Variants in PRDM16 observed in about 807,000 individuals in gnomAD.
PRDM16 encodes histone-lysine N-methyltransferase PRDM16.
PRDM16 carries 23 observed loss-of-function variants against 110.6 expected under a neutral mutation model. The ratio of observed to expected loss-of-function variants is 0.21; its 90% confidence interval spans 0.15 to 0.29. The LOEUF (loss-of-function observed/expected upper bound fraction) is 0.29. Among genes scored for constraint, PRDM16 ranks in the 10% least tolerant of loss-of-function variants. The pLI, the probability that PRDM16 is intolerant of heterozygous loss-of-function variation, is 1.00. For synonymous variants in PRDM16, 799 were observed against 781.8 expected, an observed-to-expected ratio of 1.02 and a Z score of -0.37; for missense variants, 1,615 against 1,794.3, an observed-to-expected ratio of 0.90 and a Z score of 1.81.
chr1:3,310,938 G>T (rs551343329), intron 3 of PRDM16, among the ~76,000 whole-genome samples: 1 of 150,052 alleles, frequency 6.7e-6, no homozygotes, highest in African/African-American at 2.5e-5. Context: ...GTGAGTGTGC[G>T]TGTGTGTCTG....
intron 2 of PRDM16, among the ~76,000 whole-genome samples, chr1:3,194,612 G>A (rs556639297): frequency 4.7e-4 from 71 of 149,496 alleles, no homozygotes; most frequent in African/African-American, 1.7e-3. Flanking sequence ...ACACGCCACC[G>A]TCTCCCCACC....
At chr1:3,360,314 T>C (rs1330264785) in intron 3 of PRDM16, among the ~76,000 whole-genome samples, 1 of 152,152 alleles carries the variant, frequency 6.6e-6, no homozygotes, top group Admixed American at 6.5e-5. Context: ...ACAAGTCTTC[T>C]AGGCTCTGCC....
rs925658892 is a variant in PRDM16 at position 3,411,460 on chromosome 1, G to A, written c.1263G>A (p.Thr421=). ...RHKRMHADCR[T]QIKCKDCGQM... ...AGCGGATGCACGCCGACTGCCGCAC[G>A]CAGATCAAGTGCAAGGACTGTGGCC... The change falls in exon 9 of 17, where the codon ACG becomes ACA. Residue 421 remains threonine (T), a synonymous_variant. Coordinates refer to ENST00000270722, the MANE Select transcript of PRDM16 (RefSeq NM_022114.4). 12 of 1,614,184 alleles carry A rather than the reference G, an allele frequency of 7.4e-6. No homozygotes were observed. In the East Asian group the frequency reaches 1.8e-4, roughly 24 times the overall value.
In PRDM16 at chr1:3,162,770, G is replaced by A. The variant is rs113489847; in HGVS notation, c.38-23355G>A. Among the ~76,000 whole-genome samples the A allele has an allele frequency of 1.8e-3, 269 of 152,298 alleles. 2 individuals are homozygous for A. The highest frequency in any genetic ancestry group is 6.3e-3 in the African/African-American group (261 of 41,552). On this transcript the variant is annotated intron_variant, in intron 1 of 16. Coordinates refer to ENST00000270722, the MANE Select transcript of PRDM16 (RefSeq NM_022114.4). ...GTGTGGCAGGGACCTGGTGACGCCT[G>A]TGCGACCATCGAAGCCACACAGGCA...
intron 3 of PRDM16, among the ~76,000 whole-genome samples, chr1:3,304,727 A>G (rs1437106926): frequency 6.7e-6 from 1 of 149,548 alleles, no homozygotes; most frequent in East Asian, 2.0e-4. Context: ...CCCAACAGAC[A>G]CTCGCTGTCC....
At chr1:3,099,695 G>A (rs1487120635) in intron 1 of PRDM16, among the ~76,000 whole-genome samples, 2 of 152,206 alleles carry the variant, frequency 1.3e-5, no homozygotes, top group Admixed American at 6.5e-5. Context: ...TGGGGAGCAG[G>A]CTCACCGCTG....
intron 1 of PRDM16, among the ~76,000 whole-genome samples, chr1:3,142,255 C>T (rs1304782976): frequency 6.6e-6 from 1 of 152,258 alleles, no homozygotes; most frequent in African/African-American, 2.4e-5. Flanking sequence ...CTAGAACAAA[C>T]AGCGATGTCT....
intron 1 of PRDM16, among the ~76,000 whole-genome samples, chr1:3,073,624 G>GCCAC (rs1434540382): frequency 6.6e-6 from 1 of 152,070 alleles, no homozygotes; most frequent in East Asian, 1.9e-4. Context: ...TCAGAATCGA[G>GCCAC]CCACCGAGGG....
Position 3,434,085 on chromosome 1 carries a change from G to A in PRDM16, c.*274G>A, listed in dbSNP as rs1638845805. On this transcript the variant is annotated 3_prime_UTR_variant, in exon 17 of 17. Transcript: ENST00000270722. The stretch of plus-strand genomic sequence containing the variant: ...CCGTCCAAAGACAGCCAACGGAGCT[G>A]CCTCGCAGAATCAGCCAGTGGGCAG... 1 of 413,452 alleles carries A rather than the reference G, an allele frequency of 2.4e-6. No homozygotes were observed. The highest frequency in any genetic ancestry group is 4.3e-6 in the Non-Finnish European group (1 of 230,134). 25.6% of individuals were successfully genotyped at this position (413,452 alleles called of 1,614,324 possible). A position where few individuals can be genotyped will look rare whatever the true frequency, so the allele number is the denominator to read the frequency against.
intron 4 of PRDM16, among the ~76,000 whole-genome samples, chr1:3,396,139 A>G (rs1239547005): frequency 1.3e-5 from 2 of 151,586 alleles, no homozygotes; most frequent in Non-Finnish European, 2.9e-5. Context: ...ACATACACAA[A>G]ATGGAACAAA....
Position 3,396,533 on chromosome 1 carries a change from C to T in PRDM16, c.616C>T (p.Leu206=), listed in dbSNP as rs761858417. 1.9e-6 allele frequency: 3 copies of T among 1,607,386 alleles called. No homozygotes were observed. The Admixed American group carries it at 5.0e-5, about 27-fold the overall frequency. The change falls in exon 5 of 17, where the codon CTG becomes TTG. Residue 206 remains leucine, a synonymous_variant. Coordinates refer to ENST00000270722, the MANE Select transcript of PRDM16 (RefSeq NM_022114.4). ...VIKDIEPGEE[L]LVHVKEGVYP... Reference sequence around the variant, plus strand: ...TAAGGACATTGAGCCAGGTGAGGAGCTGCTGGTGCACGTGAAGGAAGGCGT... The same window carrying T: ...TAAGGACATTGAGCCAGGTGAGGAGTTGCTGGTGCACGTGAAGGAAGGCGT...
At chr1:3,349,054 G>A (rs1312868795) in intron 3 of PRDM16, among the ~76,000 whole-genome samples, 1 of 152,252 alleles carries the variant, frequency 6.6e-6, no homozygotes, top group Non-Finnish European at 1.5e-5. Flanking sequence ...CATGGCCGGA[G>A]AGGCTGGGGC....
rs371482147 is a variant in PRDM16 at position 3,245,489 on chromosome 1, G to A, written c.438+1352G>A. On this transcript the variant is annotated intron_variant, in intron 3 of 16. Coordinates refer to ENST00000270722, the MANE Select transcript of PRDM16 (RefSeq NM_022114.4). The surrounding 1 kb of genome is among the most constrained non-coding windows in gnomAD (Gnocchi z 4.7). ...ACTTTTGCTGGGCCCGCAGTGACCC[G>A]CTGAAGGGCCTCCGGAAACTGGGTG... 1.3e-5 allele frequency among the ~76,000 whole-genome samples: 2 copies of A among 152,088 alleles called. No individual in the cohort carries two copies. The highest frequency in any genetic ancestry group is 2.9e-5 in the Non-Finnish European group (2 of 68,042).
In PRDM16 at chr1:3,290,807, CGCCGAGCTGAACTTGGCCACATAAT is replaced by C. The variant is rs1274304759; in HGVS notation, c.438+46675_438+46699del. Among the ~76,000 whole-genome samples the C allele has an allele frequency of 2.0e-5, 3 of 151,980 alleles. No individual in the cohort carries two copies. Among genetic ancestry groups the C allele is most frequent in the Admixed American group, 2.0e-4 (3 of 15,238 alleles). On this transcript the variant is annotated intron_variant, in intron 3 of 16. Transcript: ENST00000270722. The surrounding 1 kb of genome is among the most constrained non-coding windows in gnomAD (Gnocchi z 4.8). Reference sequence around the variant, plus strand: ...CCTACGAGATCCCTGAAACGGGATACGCCGAGCTGAACTTGGCCACATAATGCCGCTCTGTTTGGGAAGGGCCCGG... The same window carrying C: ...CCTACGAGATCCCTGAAACGGGATACGCCGCTCTGTTTGGGAAGGGCCCGG...
chr1:3,297,924 C>T (rs1641124561), intron 3 of PRDM16, among the ~76,000 whole-genome samples: 1 of 151,690 alleles, frequency 6.6e-6, no homozygotes, highest in Admixed American at 6.6e-5. Context: ...GCAAGCTCCA[C>T]AGGGGCCAGA....
chr1:3,132,076 G>A (rs1263945756), intron 1 of PRDM16, among the ~76,000 whole-genome samples: 2 of 152,168 alleles, frequency 1.3e-5, no homozygotes, highest in Admixed American at 6.5e-5. Flanking sequence ...GCTGGGAAAT[G>A]AGCGATCAGG....
intron 3 of PRDM16, among the ~76,000 whole-genome samples, chr1:3,322,220 T>C (rs1231838464): frequency 6.6e-6 from 1 of 151,130 alleles, no homozygotes; most frequent in Non-Finnish European, 1.5e-5. Flanking sequence ...TGTGTGAGCA[T>C]GTGCACGTGT....
chr1:3,307,464 C>T (rs1641341020), intron 3 of PRDM16: 1 of 152,132 alleles, frequency 6.6e-6, no homozygotes, highest in African/African-American at 2.4e-5. Flanking sequence ...GTTTCAGTTT[C>T]AATAATAATG....
intron 3 of PRDM16, among the ~76,000 whole-genome samples, chr1:3,341,696 T>A (rs1642275882): frequency 2.0e-5 from 3 of 152,244 alleles, no homozygotes; most frequent in Admixed American, 2.0e-4. Flanking sequence ...GTTTTGATAT[T>A]TTCCCAGCTA....
Sources: allele counts gnomAD v4.1 joint callset (sites outside exome capture counted in the v4.1 genomes callset), GRCh38; gene constraint gnomAD v4.1.1; non-coding constraint Gnocchi (gnomAD v3.1); transcripts MANE v1.5; gene names NCBI Gene and HGNC (gene_info 2026-07-23, HGNC 2026-07-21).